RIPOR2: variants seen among roughly 807,000 people sequenced by gnomAD.
RIPOR2 encodes the protein RHO family interacting cell polarization regulator 2, also known as rho family-interacting cell polarization regulator 2.
Under a neutral mutation model 114.5 loss-of-function variants are expected in RIPOR2, and 39 were observed. The observed-to-expected ratio is 0.34, with a 90% CI of 0.26 to 0.44. The LOEUF (loss-of-function observed/expected upper bound fraction) is 0.44. Among genes scored for constraint, RIPOR2 ranks in the 20% least tolerant of loss-of-function variants. The pLI, the probability that RIPOR2 is intolerant of heterozygous loss-of-function variation, is 1.00. For missense variants in RIPOR2, 1,007 were observed against 1,255.1 expected, an observed-to-expected ratio of 0.80 and a Z score of 2.99; for synonymous variants, 445 against 484.4, an observed-to-expected ratio of 0.92 and a Z score of 1.07.
At chr6:24,976,311 T>G (rs1774039707) in intron 1 of RIPOR2, 1 of 756,536 alleles carries the variant, frequency 1.3e-6, no homozygotes, top group African/African-American at 1.8e-5. Flanking sequence ...TGCAACCACT[T>G]AAATTGTGTT....
chr6:24,973,941 C>T (rs1773913235), intron 1 of RIPOR2, among the ~76,000 whole-genome samples: 1 of 152,152 alleles, frequency 6.6e-6, no homozygotes, highest in Non-Finnish European at 1.5e-5. Context: ...CTTGGGATGA[C>T]TAGAGGACGG....
intron 1 of RIPOR2, among the ~76,000 whole-genome samples, chr6:24,949,510 G>C (rs963702930): frequency 2.0e-5 from 3 of 152,194 alleles, no homozygotes; most frequent in Non-Finnish European, 1.5e-5. Context: ...CATCTTTAGG[G>C]TCAGGTTTCG....
At chr6:25,017,138 A>C (rs1359653356) in intron 1 of RIPOR2, among the ~76,000 whole-genome samples, 1 of 152,110 alleles carries the variant, frequency 6.6e-6, no homozygotes, top group African/African-American at 2.4e-5. Flanking sequence ...TCAGGAGTTC[A>C]AGACCAGCCT....
At chr6:24,934,784 C>G (rs926164869) in intron 1 of RIPOR2, among the ~76,000 whole-genome samples, 1 of 152,120 alleles carries the variant, frequency 6.6e-6, no homozygotes, top group Non-Finnish European at 1.5e-5. Context: ...AGCATTTGAA[C>G]AAAACATCCA....
chr6:24,847,590 A>T lies in RIPOR2; in HGVS notation c.1164+435T>A, dbSNP rs1331500684. 5.5e-5 allele frequency: 85 copies of T among 1,551,626 alleles called. No individual in the cohort carries two copies. Among genetic ancestry groups the T allele is most frequent in the Non-Finnish European group, 6.7e-5 (77 of 1,147,004 alleles). Reference sequence around the variant, plus strand: ...GACTCGGCCTGAGGGAGGGCAGGTCACTGAAGGAGCGGCTGCGGTGCAGCT... The same window carrying T: ...GACTCGGCCTGAGGGAGGGCAGGTCTCTGAAGGAGCGGCTGCGGTGCAGCT... On this transcript the variant is annotated intron_variant, in intron 12 of 21. Transcript: ENST00000643898.
At chr6:24,955,698 CAAAAAAAAAA>C (rs34104173) in intron 1 of RIPOR2, among the ~76,000 whole-genome samples, 21 of 134,928 alleles carry the variant, frequency 1.6e-4, no homozygotes, top group African/African-American at 5.8e-4. Context: ...GCTGCTCCTT[CAAAAAAAAAA>C]AAAAAAAAAT....
intron 1 of RIPOR2, among the ~76,000 whole-genome samples, chr6:25,011,638 A>T (rs1775778425): frequency 6.6e-6 from 1 of 152,228 alleles, no homozygotes; most frequent in East Asian, 1.9e-4. Flanking sequence ...TCTTTAATAA[A>T]GCACAGGCTG....
At chr6:24,808,907 A>G (rs1474194988) in intron 21 of RIPOR2, among the ~76,000 whole-genome samples, 2 of 151,484 alleles carry the variant, frequency 1.3e-5, no homozygotes, top group African/African-American at 2.4e-5. Flanking sequence ...CTACAGGTGC[A>G]CCCCACCACA....
intron 1 of RIPOR2, among the ~76,000 whole-genome samples, chr6:24,921,515 C>G (rs147367459): frequency 2.6e-3 from 399 of 152,110 alleles, no homozygotes; most frequent in Non-Finnish European, 5.0e-3. Flanking sequence ...CTTACTATTC[C>G]TGGAACACTC....
chr6:24,878,649 T>C (rs1450600857), intron 1 of RIPOR2, among the ~76,000 whole-genome samples: 2 of 152,100 alleles, frequency 1.3e-5, no homozygotes, highest in Admixed American at 1.3e-4. Context: ...CAGGCACTGT[T>C]TAATTAATAT....
upstream of RIPOR2, among the ~76,000 whole-genome samples, chr6:24,939,153 C>G (rs1002668016): frequency 7.9e-5 from 12 of 152,098 alleles, no homozygotes; most frequent in Non-Finnish European, 1.5e-4. Flanking sequence ...GTGAAGTGAT[C>G]CACCCAAGGT....
At chr6:24,860,416 C>T (rs76053626) in intron 8 of RIPOR2, among the ~76,000 whole-genome samples, 5,933 of 152,228 alleles carry the variant, frequency 0.039, 136 homozygotes, top group South Asian at 0.078. Flanking sequence ...TGTTGGGATC[C>T]TAATTTGAAC....
At chr6:24,933,898 T>G (rs1463863928) in intron 1 of RIPOR2, among the ~76,000 whole-genome samples, 3 of 152,134 alleles carry the variant, frequency 2.0e-5, no homozygotes, top group Admixed American at 6.5e-5. Flanking sequence ...ACATGGTTAG[T>G]GAGGTTACAA....
chr6:24,877,266 A>G (rs1765885931), intron 1 of RIPOR2: 15 of 985,222 alleles, frequency 1.5e-5, no homozygotes, highest in Non-Finnish European at 1.7e-5. Context: ...AAGGACAAAC[A>G]GCCTCCTCCC....
chr6:24,828,349 TTCA>T, intron 17 of RIPOR2, 54 bp from the exon 18 acceptor site: 1 of 1,273,190 alleles, frequency 7.9e-7, no homozygotes, highest in Non-Finnish European at 1.0e-6. Flanking sequence ...CATTCATTCA[TTCA>T]TTCATTCAAT....
At chr6:24,878,547 T>C (rs953312576) in intron 1 of RIPOR2, among the ~76,000 whole-genome samples, 1 of 152,222 alleles carries the variant, frequency 6.6e-6, no homozygotes, top group African/African-American at 2.4e-5. Context: ...CATTATCTCA[T>C]ACCTCTTAGA....
chr6:25,000,592 G>A (rs190214240), intron 1 of RIPOR2, among the ~76,000 whole-genome samples: 215 of 151,284 alleles, frequency 1.4e-3, no homozygotes, highest in African/African-American at 5.1e-3. Context: ...AGGCTACATT[G>A]TTCATGTTTT....
chr6:24,976,761 C>T, intron 1 of RIPOR2: 1 of 1,611,324 alleles, frequency 6.2e-7, no homozygotes, highest in East Asian at 2.2e-5. Flanking sequence ...CTAAAGCATA[C>T]AGGTCCTGAA....
At chr6:24,890,384 G>C (rs1767237696) in intron 1 of RIPOR2, among the ~76,000 whole-genome samples, 1 of 152,174 alleles carries the variant, frequency 6.6e-6, no homozygotes, top group African/African-American at 2.4e-5. Flanking sequence ...TATCTTAAGT[G>C]AAACAACTCA....
Sources: allele counts gnomAD v4.1 joint callset (sites outside exome capture counted in the v4.1 genomes callset), GRCh38; gene constraint gnomAD v4.1.1; transcripts MANE v1.5; gene names NCBI Gene and HGNC (gene_info 2026-07-23, HGNC 2026-07-21).